The following OR2I1 variants were observed in gnomAD, a reference collection of about 807,000 sequenced individuals.
OR2I1 encodes olfactory receptor family 2 subfamily I member 1 (gene/pseudogene).
the OR2I1 span, among the ~76,000 whole-genome samples, chr6:29,551,586 AC>A: frequency 4.6e-5 from 7 of 152,320 alleles, no homozygotes; most frequent in East Asian, 1.2e-3. Flanking sequence ...TAGCATAAGA[AC>A]CCCTTAAAAA....
At chr6:29,557,593 C>T in the OR2I1 span, 4 of 152,204 alleles carry the variant, frequency 2.6e-5, no homozygotes, top group East Asian at 7.7e-4. Flanking sequence ...ATTGCCTCTG[C>T]TATAACCTAT....
chr6:29,556,180 A>G, the OR2I1 span: 143,199 of 1,613,028 alleles, frequency 0.089, 8,318 homozygotes, highest in Non-Finnish European at 0.11. Flanking sequence ...TGTCAATGCC[A>G]TAAGATGAGA....
the OR2I1 span, chr6:29,556,390 T>G: frequency 6.6e-7 from 1 of 1,509,614 alleles, no homozygotes; most frequent in Non-Finnish European, 9.1e-7. Flanking sequence ...CTAGGATGCC[T>G]GCCTCCTTTA....
chr6:29,553,289 C>T, the OR2I1 span: 1 of 399,146 alleles, frequency 2.5e-6, no homozygotes, highest in Non-Finnish European at 4.4e-6. Context: ...TCCCTGCAGC[C>T]GGTCCTCTTC....
the OR2I1 span, chr6:29,557,390 A>G: frequency 6.6e-6 from 1 of 152,190 alleles, no homozygotes; most frequent in African/African-American, 2.4e-5. Flanking sequence ...ACCACTGACC[A>G]TGGACTGGTT....
the OR2I1 span, chr6:29,554,239 C>T: frequency 1.8e-5 from 7 of 397,924 alleles, no homozygotes; most frequent in Admixed American, 4.4e-5. Flanking sequence ...TCAGTTTAGA[C>T]TTCAGGCTGT....
chr6:29,551,296 A>G, the OR2I1 span, among the ~76,000 whole-genome samples: 3 of 152,252 alleles, frequency 2.0e-5, no homozygotes, highest in African/African-American at 7.2e-5. Context: ...AAAATGATCT[A>G]TAAATATAGG....
chr6:29,553,929 G>T, the OR2I1 span: 7 of 398,664 alleles, frequency 1.8e-5, no homozygotes, highest in Non-Finnish European at 2.7e-5. Flanking sequence ...GGAGGAGGGC[G>T]GTGGGCACGT....
the OR2I1 span, chr6:29,555,877 T>C: frequency 1.2e-6 from 2 of 1,611,334 alleles, no homozygotes; most frequent in Non-Finnish European, 1.7e-6. Flanking sequence ...ATGCCCAGGG[T>C]GGTCACCCTC....
chr6:29,551,889 G>C, the OR2I1 span, among the ~76,000 whole-genome samples: 2 of 152,214 alleles, frequency 1.3e-5, no homozygotes, highest in Non-Finnish European at 2.9e-5. Flanking sequence ...AGGATAAAAT[G>C]AGTGAAACAT....
chr6:29,555,678 T>A, the OR2I1 span: 1 of 574,224 alleles, frequency 1.7e-6, no homozygotes, highest in Non-Finnish European at 3.1e-6. Flanking sequence ...TTAGTAAAAA[T>A]CATGTCACTT....
the OR2I1 span, chr6:29,557,372 G>A: frequency 1.3e-5 from 2 of 152,152 alleles, no homozygotes; most frequent in Non-Finnish European, 2.9e-5. Flanking sequence ...ATTTTCTCCT[G>A]ATAAGAGACC....
the OR2I1 span, chr6:29,553,441 A>T: frequency 4.0e-5 from 16 of 398,640 alleles, no homozygotes; most frequent in Non-Finnish European, 7.1e-5. Context: ...CTTCACTACT[A>T]GCGTGGTGCC....
the OR2I1 span, chr6:29,556,304 T>A: frequency 6.2e-7 from 1 of 1,612,956 alleles, no homozygotes; most frequent in Non-Finnish European, 8.5e-7. Flanking sequence ...GTCATATGGG[T>A]TGGCATCAAA....
At chr6:29,550,437 TAA>T in the OR2I1 span, 2 of 149,564 alleles carry the variant, frequency 1.3e-5, no homozygotes, top group Non-Finnish European at 3.0e-5. Context: ...TCCTCCTCTC[TAA>T]CTGTGTCCTT....
At chr6:29,557,687 A>T in the OR2I1 span, 1 of 152,224 alleles carries the variant, frequency 6.6e-6, no homozygotes, top group Non-Finnish European at 1.5e-5. Flanking sequence ...TTGGTTTTCA[A>T]TCAGAAGCAA....
the OR2I1 span, among the ~76,000 whole-genome samples, chr6:29,552,426 T>C: frequency 6.6e-6 from 1 of 152,250 alleles, no homozygotes; most frequent in Non-Finnish European, 1.5e-5. Context: ...TAAAGGCTAG[T>C]ATACGTGTGC....
At chr6:29,557,341 G>A in the OR2I1 span, 4 of 152,146 alleles carry the variant, frequency 2.6e-5, no homozygotes, top group Non-Finnish European at 5.9e-5. Flanking sequence ...GTTTTAATTG[G>A]ACAAAAGACT....
chr6:29,554,172 T>C, the OR2I1 span: 1,032 of 398,790 alleles, frequency 2.6e-3, 4 homozygotes, highest in African/African-American at 9.9e-3. Flanking sequence ...AGTGAGTAGT[T>C]GGGGAGGGGA....
Sources: gnomAD v4.1 joint callset for allele counts (sites outside exome capture counted in the v4.1 genomes callset) on GRCh38, gnomAD v4.1.1 for gene constraint, MANE v1.5 for transcripts, NCBI Gene and HGNC (gene_info 2026-07-23, HGNC 2026-07-21) for gene names.